The following GALNT14 variants were observed in gnomAD, a reference collection of about 807,000 sequenced individuals.
GALNT14 encodes polypeptide N-acetylgalactosaminyltransferase 14, also known as UDP-GalNAc:polypeptide N-acetylgalactosaminyltransferase 14.
A neutral mutation model predicts 77.5 loss-of-function variants in GALNT14; 60 were observed. The ratio of observed to expected loss-of-function variants is 0.77; its 90% CI spans 0.63 to 0.96. The LOEUF is 0.96. GALNT14 is among the 40% of genes least tolerant of loss of function. The pLI, the probability that GALNT14 is intolerant of heterozygous loss-of-function variation, is 0.00. For missense variants in GALNT14, 710 were observed against 731.0 expected, an observed-to-expected ratio of 0.97 and a Z score of 0.33; for synonymous variants, 280 against 281.7, an observed-to-expected ratio of 0.99 and a Z score of 0.06.
At chr2:30,959,315 T>C (rs372507089) in intron 3 of GALNT14, among the ~76,000 whole-genome samples, 15 of 152,338 alleles carry the variant, frequency 9.8e-5, no homozygotes, top group African/African-American at 3.6e-4. Flanking sequence ...TGGTCCCCTC[T>C]GGAGGGAAAT....
At chr2:30,905,220 T>G in the GALNT14 span, among the ~76,000 whole-genome samples, 2 of 152,292 alleles carry the variant, frequency 1.3e-5, no homozygotes, top group African/African-American at 4.8e-5. Context: ...AGAATGACTT[T>G]GACGAGCTGA....
the GALNT14 span, among the ~76,000 whole-genome samples, chr2:30,891,319 C>A: frequency 6.6e-6 from 1 of 152,054 alleles, no homozygotes; most frequent in Non-Finnish European, 1.5e-5. Context: ...CCTGTGCTAG[C>A]CAGGTGATGT....
intron 1 of GALNT14, among the ~76,000 whole-genome samples, chr2:31,011,846 A>T (rs1356693215): frequency 6.6e-6 from 1 of 152,210 alleles, no homozygotes; most frequent in Non-Finnish European, 1.5e-5. Flanking sequence ...ACTTCAAACA[A>T]CAACCTTGAG....
intron 1 of GALNT14, among the ~76,000 whole-genome samples, chr2:31,051,720 C>T (rs889286410): frequency 1.3e-5 from 2 of 152,218 alleles, no homozygotes; most frequent in African/African-American, 4.8e-5. Context: ...GAGGCCCCTT[C>T]TCTGCTGCCC....
chr2:31,009,019 T>A (rs1186074188), intron 1 of GALNT14, among the ~76,000 whole-genome samples: 3 of 152,150 alleles, frequency 2.0e-5, no homozygotes, highest in Non-Finnish European at 4.4e-5. Flanking sequence ...TTGAACAAAA[T>A]CAATGCCCCG....
intron 1 of GALNT14, among the ~76,000 whole-genome samples, chr2:31,044,792 G>C (rs1673329658): frequency 6.6e-6 from 1 of 152,004 alleles, no homozygotes; most frequent in Non-Finnish European, 1.5e-5. Context: ...GTGCACACCT[G>C]TAGTCCCAAC....
intron 1 of GALNT14, among the ~76,000 whole-genome samples, chr2:31,113,029 C>T (rs1304217110): frequency 3.3e-5 from 5 of 152,150 alleles, no homozygotes; most frequent in Non-Finnish European, 7.3e-5. Flanking sequence ...ACACTGAAAC[C>T]CCTCTCTTAG....
At chr2:30,996,210 T>C (rs975264374) in intron 1 of GALNT14, among the ~76,000 whole-genome samples, 1 of 151,996 alleles carries the variant, frequency 6.6e-6, no homozygotes, top group Non-Finnish European at 1.5e-5. Context: ...AAATGAACCA[T>C]CACAGGCAGG....
chr2:31,065,794 G>T (rs1241596939), intron 1 of GALNT14, among the ~76,000 whole-genome samples: 1 of 152,212 alleles, frequency 6.6e-6, no homozygotes, highest in Non-Finnish European at 1.5e-5. Context: ...CCTGCCGGGT[G>T]TCTGAGGAGA....
chr2:30,992,364 C>T (rs912999592), intron 2 of GALNT14, among the ~76,000 whole-genome samples: 1 of 152,180 alleles, frequency 6.6e-6, no homozygotes, highest in South Asian at 2.1e-4. Flanking sequence ...GGCTCCTCTT[C>T]TCACATGGTG....
intron 1 of GALNT14, among the ~76,000 whole-genome samples, chr2:31,036,913 T>C (rs918582790): frequency 6.6e-6 from 1 of 152,228 alleles, no homozygotes; most frequent in Non-Finnish European, 1.5e-5. Flanking sequence ...CTTCCTGCTT[T>C]CAAGATTCTG....
downstream of GALNT14, among the ~76,000 whole-genome samples, chr2:30,906,092 A>C (rs1460421100): frequency 2.6e-5 from 4 of 151,438 alleles, no homozygotes; most frequent in Non-Finnish European, 5.9e-5. Context: ...AACCAGTACC[A>C]GCCGCTGCAA....
chr2:31,027,621 G>A (rs993649776), intron 1 of GALNT14, among the ~76,000 whole-genome samples: 2 of 152,114 alleles, frequency 1.3e-5, no homozygotes, highest in African/African-American at 4.8e-5. Context: ...TGGAGGCCAG[G>A]GGAGTGATAT....
chr2:30,904,746 C>T, the GALNT14 span, among the ~76,000 whole-genome samples: 4 of 152,254 alleles, frequency 2.6e-5, no homozygotes, highest in African/African-American at 9.6e-5. Context: ...GTAGGCTCCA[C>T]CTCTGGGAGC....
Position 31,070,389 on chromosome 2 carries a change from C to A in GALNT14, c.129+67569G>T, listed in dbSNP as rs2113492. On this transcript the variant is annotated intron_variant, in intron 1 of 14. Coordinates refer to ENST00000349752, the MANE Select transcript of GALNT14 (RefSeq NM_024572.4). ...ACCATCTGGGTCTTGCCTAGGCTGT[C>A]CTGTCCTCAGGAACAGAGATGCTGA... 6.6e-5 allele frequency among the ~76,000 whole-genome samples: 10 copies of A among 152,328 alleles called. No individual in the cohort carries two copies. The East Asian group carries it at 1.9e-3, about 29-fold the overall frequency.
intron 2 of GALNT14, among the ~76,000 whole-genome samples, chr2:30,972,284 A>G (rs1455939442): frequency 2.0e-5 from 3 of 152,200 alleles, no homozygotes; most frequent in East Asian, 1.9e-4. Context: ...GGGAGTCTGA[A>G]GACAGTTAGA....
At chr2:31,063,132 C>A (rs1477336022) in intron 1 of GALNT14, among the ~76,000 whole-genome samples, 1 of 152,128 alleles carries the variant, frequency 6.6e-6, no homozygotes, top group African/African-American at 2.4e-5. Context: ...GAAGTCTTTG[C>A]CCATGCCTAT....
the GALNT14 span, among the ~76,000 whole-genome samples, chr2:30,888,918 C>T: frequency 6.6e-6 from 1 of 151,226 alleles, no homozygotes; most frequent in South Asian, 2.1e-4. Context: ...CCCCCCTCCA[C>T]CCCCACCTCC....
chr2:30,899,191 C>A, the GALNT14 span, among the ~76,000 whole-genome samples: 4 of 152,192 alleles, frequency 2.6e-5, no homozygotes, highest in African/African-American at 9.7e-5. Flanking sequence ...TGAATGGAGG[C>A]GGGAACCCAT....
Sources: allele counts gnomAD v4.1 joint callset (sites outside exome capture counted in the v4.1 genomes callset), GRCh38; gene constraint gnomAD v4.1.1; transcripts MANE v1.5; gene names NCBI Gene and HGNC (gene_info 2026-07-23, HGNC 2026-07-21).